The following FBXO34 variants were observed in gnomAD, a reference collection of about 807,000 sequenced individuals.
FBXO34 encodes F-box only protein 34.
Under a neutral mutation model 24.5 loss-of-function variants are expected in FBXO34, and 12 were observed. The observed-to-expected ratio is 0.49, with a 90% CI of 0.31 to 0.79. FBXO34 has a LOEUF of 0.79. Ranked by LOEUF, FBXO34 falls within the 30% of genes least tolerant of loss-of-function variation. The pLI is 0.04. For synonymous variants in FBXO34, 320 were observed against 311.9 expected, an observed-to-expected ratio of 1.03 and a Z score of -0.27; for missense variants, 823 against 857.7, an observed-to-expected ratio of 0.96 and a Z score of 0.51.
chr14:55,347,987 G>T (rs1311821870), intron 1 of FBXO34, among the ~76,000 whole-genome samples: 8 of 152,214 alleles, frequency 5.3e-5, no homozygotes, highest in Admixed American at 5.2e-4. Flanking sequence ...TTGGCACAGA[G>T]AGCACTAGGT....
At chr14:55,387,743 A>C in the FBXO34 span, among the ~76,000 whole-genome samples, 4 of 151,924 alleles carry the variant, frequency 2.6e-5, no homozygotes, top group Non-Finnish European at 4.4e-5. Flanking sequence ...ATCTCGGCTC[A>C]CTGCAACCTC....
chr14:55,345,168 G>A (rs1382210009), intron 1 of FBXO34, among the ~76,000 whole-genome samples: 2 of 152,108 alleles, frequency 1.3e-5, no homozygotes, highest in African/African-American at 4.8e-5. Flanking sequence ...CCTGCTCCAA[G>A]TATGCTCAGC....
intron 1 of FBXO34, among the ~76,000 whole-genome samples, chr14:55,289,037 C>T (rs939178684): frequency 5.9e-5 from 9 of 151,854 alleles, no homozygotes; most frequent in Non-Finnish European, 5.9e-5. Context: ...GGTGACAGAG[C>T]GAGACTCTGT....
intron 1 of FBXO34, chr14:55,282,248 C>A (rs530406557): frequency 1.9e-5 from 6 of 313,578 alleles, no homozygotes; most frequent in Admixed American, 1.6e-4. Flanking sequence ...CCGCCTCAGC[C>A]TCCCAAAGTG....
chr14:55,351,429 T>A lies in FBXO34; in HGVS notation c.1039T>A (p.Ser347Thr). ...TCAGGTGAATCCTGTGGGGTCTGTATCTGTGGATTGTGGCCCTTCAAGAGC... is the reference window on the plus strand; with the variant it reads ...TCAGGTGAATCCTGTGGGGTCTGTAACTGTGGATTGTGGCCCTTCAAGAGC... ...DTQVNPVGSV[S>T]VDCGPSRADR... Residue 347 changes from serine (S) to threonine (T), a missense_variant, in exon 2 of 2, where the codon TCT becomes ACT. This residue lies in a region of FBXO34 where 693 missense variants were observed against 659.1 expected (regional missense o/e 1.05). Coordinates refer to ENST00000313833, the MANE Select transcript of FBXO34 (RefSeq NM_017943.4). 1 of 1,614,192 alleles carries A rather than the reference T, an allele frequency of 6.2e-7. No homozygotes were observed. The highest frequency in any genetic ancestry group is 8.5e-7 in the Non-Finnish European group (1 of 1,180,028).
chr14:55,414,313 G>C, the FBXO34 span: 1 of 1,196,488 alleles, frequency 8.4e-7, no homozygotes, highest in African/African-American at 1.5e-5. Flanking sequence ...GAAGAATCCA[G>C]CTGTTTCTGT....
chr14:55,398,343 C>T, the FBXO34 span, among the ~76,000 whole-genome samples: 2 of 152,020 alleles, frequency 1.3e-5, no homozygotes. Flanking sequence ...TTTCTTTTTG[C>T]AGTTTAAGGT....
Position 55,351,722 on chromosome 14 carries a change from C to A in FBXO34, c.1332C>A (p.Ser444Arg). 4 of 1,614,166 alleles carry A rather than the reference C, an allele frequency of 2.5e-6. No individual in the cohort carries two copies. The highest frequency in any genetic ancestry group is 3.4e-6 in the Non-Finnish European group (4 of 1,180,034). Reference sequence around the variant, plus strand: ...GCAGAGAGCTTGTGTCCCTTACTAGCCGAAATCCTGATCAAAGAAAAGAAT... The same window carrying A: ...GCAGAGAGCTTGTGTCCCTTACTAGACGAAATCCTGATCAAAGAAAAGAAT... ...CMSRELVSLT[S>R]RNPDQRKESL... Residue 444 changes from serine (S) to arginine (R), a missense_variant, in exon 2 of 2, where the codon AGC becomes AGA. This residue lies in a region of FBXO34 where 693 missense variants were observed against 659.1 expected (regional missense o/e 1.05). Coordinates refer to ENST00000313833, the MANE Select transcript of FBXO34 (RefSeq NM_017943.4).
the FBXO34 span, among the ~76,000 whole-genome samples, chr14:55,421,635 G>T: frequency 6.6e-5 from 10 of 152,154 alleles, no homozygotes; most frequent in Admixed American, 1.3e-4. Context: ...AGCTAATTTT[G>T]TATTTTCAGT....
intron 1 of FBXO34, among the ~76,000 whole-genome samples, chr14:55,312,159 C>T (rs1882765099): frequency 6.6e-6 from 1 of 151,928 alleles, no homozygotes; most frequent in Admixed American, 6.6e-5. Flanking sequence ...GAGATCACAC[C>T]ACTGCACTCC....
At chr14:55,404,573 C>G in the FBXO34 span, among the ~76,000 whole-genome samples, 1 of 152,256 alleles carries the variant, frequency 6.6e-6, no homozygotes, top group East Asian at 1.9e-4. Context: ...TATGAAAACT[C>G]TTTTGCATTA....
At chr14:55,354,527 T>C (rs1884491115), downstream of FBXO34, 1 of 152,284 alleles carries the variant, frequency 6.6e-6, no homozygotes, top group Non-Finnish European at 1.5e-5. Context: ...CTGGTTTTCA[T>C]GTGGGACACA....
At chr14:55,286,905 A>ATTTTTTTTTTT (rs1881781265) in intron 1 of FBXO34, among the ~76,000 whole-genome samples, 1 of 136,062 alleles carries the variant, frequency 7.3e-6, no homozygotes. Context: ...TGTTTCATTT[A>ATTTTTTTTTTT]CTTTTTTTTT....
At chr14:55,348,724 C>A (rs1884241763) in intron 1 of FBXO34, among the ~76,000 whole-genome samples, 1 of 152,196 alleles carries the variant, frequency 6.6e-6, no homozygotes, top group Non-Finnish European at 1.5e-5. Flanking sequence ...TGCAAAATTT[C>A]TCTTTATCTG....
chr14:55,313,825 G>A (rs1882834042), intron 1 of FBXO34, among the ~76,000 whole-genome samples: 2 of 152,168 alleles, frequency 1.3e-5, no homozygotes, highest in Admixed American at 6.5e-5. Context: ...TCCCTCCCTT[G>A]ACATGCGGAG....
At chr14:55,383,548 C>G in the FBXO34 span, among the ~76,000 whole-genome samples, 1 of 151,702 alleles carries the variant, frequency 6.6e-6, no homozygotes, top group Non-Finnish European at 1.5e-5. Flanking sequence ...GAGACTCCAT[C>G]TCAAAAAAAC....
chr14:55,347,291 T>G (rs1884191287), intron 1 of FBXO34, among the ~76,000 whole-genome samples: 1 of 152,222 alleles, frequency 6.6e-6, no homozygotes, highest in African/African-American at 2.4e-5. Context: ...TGCCACCATC[T>G]GTTGTAATCT....
the FBXO34 span, among the ~76,000 whole-genome samples, chr14:55,433,261 T>C: frequency 3.2e-4 from 48 of 151,434 alleles, no homozygotes; most frequent in East Asian, 8.9e-3. Context: ...CCCAAGTAGC[T>C]AGGACTAGAG....
chr14:55,390,558 A>G, the FBXO34 span, among the ~76,000 whole-genome samples: 1 of 151,834 alleles, frequency 6.6e-6, no homozygotes, highest in Admixed American at 6.6e-5. Context: ...TATTTAGTAG[A>G]GACGGAGTTT....
Sources: gnomAD v4.1 joint callset for allele counts (sites outside exome capture counted in the v4.1 genomes callset) on GRCh38, gnomAD v4.1.1 for gene constraint, gnomAD v4.1.1 regional missense constraint, MANE v1.5 for transcripts, NCBI Gene and HGNC (gene_info 2026-07-23, HGNC 2026-07-21) for gene names.